The following FURIN variants were observed in gnomAD, a reference collection of about 807,000 sequenced individuals.
FURIN encodes furin, paired basic amino acid cleaving enzyme.
A neutral mutation model predicts 89.2 loss-of-function variants in FURIN; 18 were observed. The observed-to-expected ratio is 0.20, with a 90% CI of 0.14 to 0.30. FURIN has a LOEUF of 0.30. FURIN is among the 10% of genes least tolerant of loss of function. The pLI, the probability that FURIN is intolerant of heterozygous loss-of-function variation, is 1.00. For synonymous variants in FURIN, 508 were observed against 466.4 expected, an observed-to-expected ratio of 1.09 and a Z score of -1.15; for missense variants, 879 against 1,100.5, an observed-to-expected ratio of 0.80 and a Z score of 2.85.
Position 90,881,091 on chromosome 15 carries a change from C to T in FURIN, c.1792+51C>T, listed in dbSNP as rs369286413. On this transcript the variant is annotated intron_variant, in intron 15 of 15. Transcript: ENST00000268171. The surrounding 1 kb of genome is among the most constrained non-coding windows in gnomAD (Gnocchi z 4.3). Reference sequence around the variant, plus strand: ...TGGGGGCCTGAGTCTGGGGGTAAGGCGGGTGCCTGTCCTGAAGCCCAGCTC... The same window carrying T: ...TGGGGGCCTGAGTCTGGGGGTAAGGTGGGTGCCTGTCCTGAAGCCCAGCTC... The T allele has an allele frequency of 2.1e-5, 29 of 1,387,208 alleles. No homozygotes were observed. Among genetic ancestry groups the T allele is most frequent in the East Asian group, 1.1e-4 (5 of 43,712 alleles). 85.9% of individuals were successfully genotyped at this position (1,387,208 alleles called of 1,614,324 possible). A position where few individuals can be genotyped will look rare whatever the true frequency, so the allele number is the denominator to read the frequency against.
At position 90,880,141 on chromosome 15, in the gene FURIN, T is replaced by C. The variant is rs762788166; in HGVS notation, c.1424T>C (p.Leu475Pro). The C allele has an allele frequency of 6.8e-6, 11 of 1,610,786 alleles. No homozygotes were observed. Among genetic ancestry groups the C allele is most frequent in the African/African-American group, 1.3e-5 (1 of 74,912 alleles). Residue 475 changes from leucine (L) to proline (P), a missense_variant, in exon 13 of 16, where the codon CTG (leucine) becomes CCG (proline). Transcript: ENST00000268171. ...GTGCGGAAGACCGTGACCGCGTGCC[T>C]GGGCGAGCCCAACCACATCACTCGG... ...LEVRKTVTAC[L>P]GEPNHITRLE...
chr15:90,871,897 G>A (rs1391840223), intron 1 of FURIN, among the ~76,000 whole-genome samples: 2 of 151,284 alleles, frequency 1.3e-5, no homozygotes, highest in East Asian at 2.0e-4. Flanking sequence ...AGCGCGCCGG[G>A]CCCGTCTCGG....
rs1217412390 is a variant in FURIN at position 90,879,922 on chromosome 15, C to T, written c.1314C>T (p.Ala438=). ...LLDAGAMVAL[A]QNWTTVAPQR... ...ACGCAGGCGCCATGGTGGCCCTGGC[C>T]CAGAATTGGACCACAGTGGCCCCCC... is the stretch of plus-strand genomic sequence containing the variant. Residue 438 remains alanine (A), a synonymous_variant, in exon 12 of 16, where the codon GCC becomes GCT. Transcript: ENST00000268171. 5.0e-6 allele frequency: 8 copies of T among 1,613,282 alleles called. No homozygotes were observed. The highest frequency in any genetic ancestry group is 6.8e-6 in the Non-Finnish European group (8 of 1,180,038).
Position 90,877,584 on chromosome 15 carries a change from T to C in FURIN, c.636T>C (p.Gly212=). 6.3e-7 allele frequency: 1 copy of C among 1,577,284 alleles called. No homozygotes were observed. The highest frequency in any genetic ancestry group is 1.8e-5 in the Admixed American group (1 of 54,314). ...CGGTGGCCAACAACGGTGTCTGTGG[T>C]GTAGGTGTGGCCTACAACGCCCGCA... ...VAAVANNGVC[G]VGVAYNARIG... Residue 212 remains glycine, a synonymous_variant, in exon 7 of 16, where the codon GGT becomes GGC. Coordinates refer to ENST00000268171, the MANE Select transcript of FURIN (RefSeq NM_002569.4).
At position 90,879,314 on chromosome 15, in the gene FURIN, G is replaced by A. The variant is rs528925038; in HGVS notation, c.1054-130G>A. ...GTTAGCAAGGCAGCAGCTGGGACCT[G>A]GGGTTCTTGGCCCTGGCTCCCCATA... On this transcript the variant is annotated intron_variant, in intron 9 of 15. Coordinates refer to ENST00000268171, the MANE Select transcript of FURIN (RefSeq NM_002569.4). 159 of 717,014 alleles carry A rather than the reference G, an allele frequency of 2.2e-4. No homozygotes were observed. The African/African-American group carries it at 2.4e-3, about 11-fold the overall frequency. 44.4% of individuals were successfully genotyped at this position (717,014 alleles called of 1,614,324 possible).
In FURIN at chr15:90,876,184, C is replaced by A. The variant is rs2031609004; in HGVS notation, c.178-71C>A. 9 of 1,049,332 alleles carry A rather than the reference C, an allele frequency of 8.6e-6. No homozygotes were observed. In the South Asian group the frequency reaches 1.0e-4, roughly 12 times the overall value. 65.0% of individuals were successfully genotyped at this position (1,049,332 alleles called of 1,614,324 possible). A position where few individuals can be genotyped will look rare whatever the true frequency, so the allele number is the denominator to read the frequency against. On this transcript the variant is annotated intron_variant, in intron 2 of 15. Coordinates refer to ENST00000268171, the MANE Select transcript of FURIN (RefSeq NM_002569.4). This position sits in a 1 kb window ranked among gnomAD's most constrained non-coding sequence, Gnocchi z 5.0. ...GGCGAGCCTCCCATGAAGCCGTTGT[C>A]CACCCCCGTCCCCCGCCTCCCGGGG...
intron 1 of FURIN, among the ~76,000 whole-genome samples, chr15:90,875,031 T>C (rs2031530624): frequency 2.1e-5 from 1 of 46,782 alleles, no homozygotes; most frequent in African/African-American, 1.7e-4. Flanking sequence ...CTGTTACACT[T>C]TTTTTTTTTT....
chr15:90,879,067 C>T lies in FURIN; in HGVS notation c.1053+91C>T, dbSNP rs2031794230. 8 of 808,768 alleles carry T rather than the reference C, an allele frequency of 9.9e-6. No homozygotes were observed. In the South Asian group the frequency reaches 1.3e-4, roughly 13 times the overall value. 50.1% of individuals were successfully genotyped at this position (808,768 alleles called of 1,614,324 possible). ...CTTTTGGAGGCTGTCTGCCTCCACCCCCATGTGGCTGGGTGATAGTGGCTC... is the reference window on the plus strand; with the variant it reads ...CTTTTGGAGGCTGTCTGCCTCCACCTCCATGTGGCTGGGTGATAGTGGCTC... On this transcript the variant is annotated intron_variant, in intron 9 of 15. Transcript: ENST00000268171.
intron 1 of FURIN, among the ~76,000 whole-genome samples, chr15:90,870,404 G>C (rs2151217663): frequency 6.6e-6 from 1 of 152,278 alleles, no homozygotes; most frequent in South Asian, 2.1e-4. Flanking sequence ...CATGTGGTGA[G>C]GATAAAACGG....
chr15:90,880,659 G>C (rs1323304335), intron 13 of FURIN, 32 bp from the exon 14 acceptor site: 15 of 1,588,844 alleles, frequency 9.4e-6, no homozygotes, highest in Non-Finnish European at 1.3e-5. Flanking sequence ...GTCCCGCAGA[G>C]GCCTCAGGGC....
chr15:90,879,805 G>A, intron 11 of FURIN, 31 bp downstream of exon 11: 1 of 1,608,552 alleles, frequency 6.2e-7, no homozygotes, highest in South Asian at 1.1e-5. Flanking sequence ...CAGGCTGGAT[G>A]TGGAGTTAGG....
rs914400562 is a variant in FURIN at position 90,882,489 on chromosome 15, C to T, written c.*611C>T. The stretch of plus-strand genomic sequence containing the variant: ...GCTCCGTGCCTCCACCACCACTGGC[C>T]ACCAGGCTGGCGCAGCCAAGGCCGA... On this transcript the variant is annotated 3_prime_UTR_variant, in exon 16 of 16. Coordinates refer to ENST00000268171, the MANE Select transcript of FURIN (RefSeq NM_002569.4). 6.5e-5 allele frequency: 10 copies of T among 153,654 alleles called. No individual in the cohort carries two copies. Among genetic ancestry groups the T allele is most frequent in the African/African-American group, 2.2e-4 (9 of 41,482 alleles). The allele number at this position is 153,654 out of a possible 1,614,324, so 9.5% of individuals were successfully genotyped here. A position where few individuals can be genotyped will look rare whatever the true frequency, so the allele number is the denominator to read the frequency against.
rs1398598091 is a variant in FURIN, at chr15:90,880,167, C to T, written c.1450C>T (p.Leu484=). 4 of 1,612,330 alleles carry T rather than the reference C, an allele frequency of 2.5e-6. No homozygotes were observed. Among genetic ancestry groups the T allele is most frequent in the Non-Finnish European group, 3.4e-6 (4 of 1,179,504 alleles). ...CLGEPNHITR[L]EHAQARLTLS... Reference sequence around the variant, plus strand: ...GGGCGAGCCCAACCACATCACTCGGCTGGAGCACGCTCAGGCGCGGCTCAC... The same window carrying T: ...GGGCGAGCCCAACCACATCACTCGGTTGGAGCACGCTCAGGCGCGGCTCAC... Residue 484 remains leucine (L), a synonymous_variant, in exon 13 of 16, where the codon CTG becomes TTG. Transcript: ENST00000268171.
In FURIN at chr15:90,876,176, G is replaced by C; in HGVS notation, c.178-79G>C. On this transcript the variant is annotated intron_variant, in intron 2 of 15. Coordinates refer to ENST00000268171, the MANE Select transcript of FURIN (RefSeq NM_002569.4). This position sits in a 1 kb window ranked among gnomAD's most constrained non-coding sequence, Gnocchi z 5.0. ...CCGACCGTGGCGAGCCTCCCATGAA[G>C]CCGTTGTCCACCCCCGTCCCCCGCC... 1.0e-6 allele frequency: 1 copy of C among 1,002,138 alleles called. No individual in the cohort carries two copies. Among genetic ancestry groups the C allele is most frequent in the Admixed American group, 1.7e-5 (1 of 57,780 alleles). The allele number at this position is 1,002,138 out of a possible 1,614,324, so 62.1% of individuals were successfully genotyped here.
chr15:90,877,671 C>T (rs2031710646), intron 7 of FURIN, 56 bp downstream of exon 7: 1 of 1,244,980 alleles, frequency 8.0e-7, no homozygotes, highest in South Asian at 1.4e-5. Context: ...TGGAATTTTT[C>T]CCGCCCACTT....
Position 90,875,642 on chromosome 15 carries a change from G to A in FURIN, c.-99G>A. The A allele has an allele frequency of 9.0e-7, 1 of 1,116,868 alleles. No individual in the cohort carries two copies. The highest frequency in any genetic ancestry group is 1.6e-5 in the South Asian group (1 of 61,756). The allele number at this position is 1,116,868 out of a possible 1,614,324, so 69.2% of individuals were successfully genotyped here. A position where few individuals can be genotyped will look rare whatever the true frequency, so the allele number is the denominator to read the frequency against. ...CTCGGCCCCATGCCCCCACCAGTCA[G>A]CCCCGGGCCACAGGCAGTGAGCAGG... On this transcript the variant is annotated 5_prime_UTR_variant, in exon 2 of 16. Coordinates refer to ENST00000268171, the MANE Select transcript of FURIN (RefSeq NM_002569.4).
intron 6 of FURIN, 64 bp downstream of exon 6, chr15:90,877,275 G>A: frequency 7.6e-7 from 1 of 1,317,156 alleles, no homozygotes; most frequent in Non-Finnish European, 1.0e-6. Flanking sequence ...GAACAGGGCT[G>A]AGCCTGGGTG....
At chr15:90,871,788 C>T (rs1235415893) in intron 1 of FURIN, among the ~76,000 whole-genome samples, 1 of 149,392 alleles carries the variant, frequency 6.7e-6, no homozygotes, top group Non-Finnish European at 1.5e-5. Flanking sequence ...CCCGGGTCCC[C>T]CGGGGCCCGG....
chr15:90,882,023 C>A lies in FURIN; in HGVS notation c.*145C>A. 1.6e-6 allele frequency: 1 copy of A among 637,734 alleles called. No homozygotes were observed. 39.5% of individuals were successfully genotyped at this position (637,734 alleles called of 1,614,324 possible). A position where few individuals can be genotyped will look rare whatever the true frequency, so the allele number is the denominator to read the frequency against. ...ACTGCTTCCCATCCTACCCTCGGGC[C>A]CACCTGGCCACCTGAGGTGGGCCCA... On this transcript the variant is annotated 3_prime_UTR_variant, in exon 16 of 16. Coordinates refer to ENST00000268171, the MANE Select transcript of FURIN (RefSeq NM_002569.4).
Sources: gnomAD v4.1 joint callset for allele counts (sites outside exome capture counted in the v4.1 genomes callset) on GRCh38, gnomAD v4.1.1 for gene constraint, Gnocchi (gnomAD v3.1) non-coding constraint, MANE v1.5 for transcripts, NCBI Gene and HGNC (gene_info 2026-07-23, HGNC 2026-07-21) for gene names.